The following ORC3 variants were observed in gnomAD, a reference collection of about 807,000 sequenced individuals.
The protein encoded by ORC3 is origin recognition complex subunit 3.
In ORC3, 78 loss-of-function variants were observed where a neutral mutation model predicts 100.7. The observed-to-expected ratio is 0.77, with a 90% CI of 0.65 to 0.94. The LOEUF (loss-of-function observed/expected upper bound fraction) is 0.94, where lower values mean the gene tolerates loss of function less well. ORC3 is among the 40% of genes least tolerant of loss of function. The probability of loss-of-function intolerance (pLI) is 0.00; values close to 1 mark genes in which losing one functional copy is unlikely to be tolerated. For synonymous variants in ORC3, 295 were observed against 289.3 expected, an observed-to-expected ratio of 1.02 and a Z score of -0.20; for missense variants, 789 against 823.9, an observed-to-expected ratio of 0.96 and a Z score of 0.52.
At chr6:87,627,907 A>T (rs1402503563) in intron 11 of ORC3, among the ~76,000 whole-genome samples, 2 of 152,170 alleles carry the variant, frequency 1.3e-5, no homozygotes, top group African/African-American at 2.4e-5. Flanking sequence ...TTAAGCTAGA[A>T]CTAATCTATT....
chr6:87,669,845 C>A (rs74912044), downstream of ORC3, among the ~76,000 whole-genome samples: 106 of 152,308 alleles, frequency 7.0e-4, 1 homozygote, highest in African/African-American at 2.5e-3. Context: ...TCTTCCAATA[C>A]AAGGACACCA....
At chr6:87,594,266 A>T (rs1777260372) in intron 1 of ORC3, 87 bp from the exon 2 acceptor site, 1 of 868,564 alleles carries the variant, frequency 1.2e-6, no homozygotes, top group Non-Finnish European at 1.8e-6. Context: ...TTTTTAAAAA[A>T]GTGCTTACCC....
intron 2 of ORC3, among the ~76,000 whole-genome samples, chr6:87,594,915 A>G (rs1351220839): frequency 6.6e-6 from 1 of 152,234 alleles, no homozygotes; most frequent in African/African-American, 2.4e-5. Context: ...AAAATTGTAT[A>G]AAAATTATTT....
In ORC3 at chr6:87,650,569, A is replaced by T. The variant is rs146096941; in HGVS notation, c.1383-2547A>T. 2.5e-3 allele frequency among the ~76,000 whole-genome samples: 384 copies of T among 152,316 alleles called. 2 individuals carry two copies. The highest frequency in any genetic ancestry group is 8.7e-3 in the African/African-American group (361 of 41,570). On this transcript the variant is annotated intron_variant, in intron 13 of 19. Transcript: ENST00000392844. ...ATAATTTTACTGGAAAAAAAATTTT[A>T]AATAATGACTTTATTGGGGTTGGTT...
chr6:87,641,364 C>T (rs1381102835), intron 13 of ORC3, among the ~76,000 whole-genome samples: 1 of 152,084 alleles, frequency 6.6e-6, no homozygotes, highest in African/African-American at 2.4e-5. Context: ...AGAGCTGAAA[C>T]TCTTTCAACC....
chr6:87,612,183 C>T lies in ORC3; in HGVS notation c.808C>T (p.Leu270=), dbSNP rs1562333378. Residue 270 remains leucine (L), a synonymous_variant, in exon 8 of 20, where the codon CTA becomes TTA. Coordinates refer to ENST00000392844, the MANE Select transcript of ORC3 (RefSeq NM_012381.4). The part of the protein sequence containing the change: ...HRLLPHAVSS[L]LCIELFQSLS... The stretch of plus-strand genomic sequence containing the variant: ...ATTGCTTCCTCATGCAGTATCATCT[C>T]TATTGTGCATAGAACTGTTCCAATC... The T allele has an allele frequency of 2.5e-6, 4 of 1,613,130 alleles. No individual in the cohort carries two copies. Among genetic ancestry groups the T allele is most frequent in the Non-Finnish European group, 3.4e-6 (4 of 1,179,356 alleles).
chr6:87,664,659 T>G, intron 17 of ORC3, 84 bp from the exon 18 acceptor site: 1 of 1,039,220 alleles, frequency 9.6e-7, no homozygotes, highest in Admixed American at 1.9e-5. Context: ...TTTACTCAGT[T>G]TAGGTTGGGG....
intron 13 of ORC3, among the ~76,000 whole-genome samples, chr6:87,650,061 CTTTTTTT>C (rs565491984): frequency 8.2e-6 from 1 of 122,666 alleles, no homozygotes; most frequent in Non-Finnish European, 1.7e-5. Context: ...TTTACACTCT[CTTTTTTT>C]TTTTTTTTTT....
rs1381752616 is a variant in ORC3 at position 87,642,991 on chromosome 6, G to C, written c.1382+6505G>C. Among the ~76,000 whole-genome samples, 3 of 151,838 alleles carry C rather than the reference G, an allele frequency of 2.0e-5. No individual in the cohort carries two copies. The South Asian group carries it at 6.3e-4, about 32-fold the overall frequency. ...ATATAATTTCTTTATTTTAGAAAAG[G>C]AATTGCCAATCCTGAATTTGCATCA... is the stretch of plus-strand genomic sequence containing the variant. On this transcript the variant is annotated intron_variant, in intron 13 of 19. Coordinates refer to ENST00000392844, the MANE Select transcript of ORC3 (RefSeq NM_012381.4).
At chr6:87,673,052 A>C in the ORC3 span, among the ~76,000 whole-genome samples, 1 of 151,848 alleles carries the variant, frequency 6.6e-6, no homozygotes, top group African/African-American at 2.4e-5. Context: ...GGTTATTTGG[A>C]CTAATCAACT....
At chr6:87,596,375 T>C (rs1422296652) in intron 2 of ORC3, among the ~76,000 whole-genome samples, 1 of 151,500 alleles carries the variant, frequency 6.6e-6, no homozygotes, top group Admixed American at 6.6e-5. Flanking sequence ...CCTTGTGATC[T>C]GCCCACCTCA....
intron 13 of ORC3, among the ~76,000 whole-genome samples, chr6:87,639,807 C>A (rs1004401130): frequency 6.1e-5 from 9 of 148,634 alleles, no homozygotes; most frequent in Non-Finnish European, 1.2e-4. Flanking sequence ...TGGTGAAACC[C>A]CCTCTCTGCC....
chr6:87,598,116 A>G (rs1199609186), intron 2 of ORC3, among the ~76,000 whole-genome samples: 1 of 152,096 alleles, frequency 6.6e-6, no homozygotes, highest in Admixed American at 6.5e-5. Context: ...TGCAAACTTG[A>G]GCTCCTGGGC....
intron 13 of ORC3, among the ~76,000 whole-genome samples, chr6:87,647,608 C>G (rs1768903079): frequency 6.6e-6 from 1 of 152,176 alleles, no homozygotes; most frequent in South Asian, 2.1e-4. Context: ...CTGTGCTTCT[C>G]CCAGCTCTCC....
intron 7 of ORC3, among the ~76,000 whole-genome samples, chr6:87,610,456 T>G (rs997613956): frequency 2.0e-5 from 3 of 152,020 alleles, no homozygotes; most frequent in Non-Finnish European, 2.9e-5. Flanking sequence ...TGATCTGCCT[T>G]CCTTAGTGCT....
chr6:87,653,312 G>GA, intron 14 of ORC3, 63 bp downstream of exon 14: 2 of 1,491,320 alleles, frequency 1.3e-6, no homozygotes, highest in South Asian at 2.4e-5. Flanking sequence ...AAATGGCATG[G>GA]AAAACCCCAC....
Position 87,601,818 on chromosome 6 carries a change from G to A in ORC3, c.114G>A (p.Glu38=), listed in dbSNP as rs1429537894. The A allele has an allele frequency of 8.7e-6, 14 of 1,610,678 alleles. No homozygotes were observed. Among genetic ancestry groups the A allele is most frequent in the Non-Finnish European group, 1.0e-5 (12 of 1,176,924 alleles). Residue 38 remains glutamate, a synonymous_variant, in exon 3 of 20, where the codon GAG becomes GAA. Coordinates refer to ENST00000392844, the MANE Select transcript of ORC3 (RefSeq NM_012381.4). ...DYFNKGKNEP[E]DSKLRFETYQ... ...TTAACAAAGGGAAAAATGAGCCTGA[G>A]GACAGTAAGCTTCGATTCGAAACTT...
intron 5 of ORC3, among the ~76,000 whole-genome samples, chr6:87,607,396 A>C (rs906324904): frequency 1.5e-4 from 23 of 152,034 alleles, no homozygotes; most frequent in African/African-American, 5.5e-4. Flanking sequence ...CTGCCACTGT[A>C]CTCCAGCCTG....
At chr6:87,677,242 G>GA in the ORC3 span, among the ~76,000 whole-genome samples, 1 of 152,156 alleles carries the variant, frequency 6.6e-6, no homozygotes, top group African/African-American at 2.4e-5. Flanking sequence ...AAGTATCACA[G>GA]AAAAAGTTGT....
Sources: gnomAD v4.1 joint callset for allele counts (sites outside exome capture counted in the v4.1 genomes callset) on GRCh38, gnomAD v4.1.1 for gene constraint, MANE v1.5 for transcripts, NCBI Gene and HGNC (gene_info 2026-07-23, HGNC 2026-07-21) for gene names.